The following PLPP7 variants were observed in gnomAD, a reference collection of about 807,000 sequenced individuals.
PLPP7 encodes inactive phospholipid phosphatase 7.
A neutral mutation model predicts 16.9 loss-of-function variants in PLPP7; 11 were observed. The observed-to-expected ratio is 0.65, with a 90% CI of 0.41 to 1.08. The LOEUF (loss-of-function observed/expected upper bound fraction) is 1.08, where lower values mean the gene tolerates loss of function less well. Ranked by LOEUF, PLPP7 falls within the 50% of genes least tolerant of loss-of-function variation. The pLI, the probability that PLPP7 is intolerant of heterozygous loss-of-function variation, is 0.00. For synonymous variants in PLPP7, 174 were observed against 175.1 expected (o/e 0.99, Z 0.05); for missense variants, 358 against 397.1 (o/e 0.90, Z 0.84).
rs191613991 is a variant in PLPP7 at position 131,301,001 on chromosome 9, C to A, written c.452-6922C>A. 2.7e-3 allele frequency among the ~76,000 whole-genome samples: 408 copies of A among 152,256 alleles called. 3 individuals are homozygous for A. Among genetic ancestry groups the A allele is most frequent in the Admixed American group, 4.5e-3 (69 of 15,286 alleles). Reference sequence around the variant, plus strand: ...TTATTTATTTTGAGACAGAGTCCCGCTCTGTCACCCAGGTTGGAATGCAGT... The same window carrying A: ...TTATTTATTTTGAGACAGAGTCCCGATCTGTCACCCAGGTTGGAATGCAGT... On this transcript the variant is annotated intron_variant, in intron 1 of 1. Coordinates refer to ENST00000372264, the MANE Select transcript of PLPP7 (RefSeq NM_032728.4).
intron 1 of PLPP7, among the ~76,000 whole-genome samples, chr9:131,305,601 C>CT (rs1835844614): frequency 1.3e-5 from 2 of 152,026 alleles, no homozygotes; most frequent in South Asian, 4.2e-4. Flanking sequence ...GGGTCTCACT[C>CT]TGTCACCTTA....
chr9:131,292,220 G>T (rs1168912584), intron 1 of PLPP7, among the ~76,000 whole-genome samples: 2 of 152,218 alleles, frequency 1.3e-5, no homozygotes, highest in Admixed American at 6.5e-5. Flanking sequence ...CAAGAAGACT[G>T]TTGGGATTTA....
chr9:131,296,409 G>A (rs1257511954), intron 1 of PLPP7, among the ~76,000 whole-genome samples: 7 of 151,974 alleles, frequency 4.6e-5, no homozygotes, highest in Non-Finnish European at 1.0e-4. Flanking sequence ...GACTACAGGC[G>A]CCTGCCACCA....
At chr9:131,303,167 A>G (rs1226923544) in intron 1 of PLPP7, among the ~76,000 whole-genome samples, 1 of 152,090 alleles carries the variant, frequency 6.6e-6, no homozygotes, top group Non-Finnish European at 1.5e-5. Context: ...CTCCATCTCT[A>G]CTAAAAATAG....
chr9:131,307,326 T>C (rs1041823247), intron 1 of PLPP7, among the ~76,000 whole-genome samples: 3 of 141,364 alleles, frequency 2.1e-5, no homozygotes, highest in Admixed American at 7.1e-5. Context: ...CTGAGGCGGG[T>C]GGATCACCTG....
chr9:131,290,316 G>C lies in PLPP7; in HGVS notation c.319G>C (p.Ala107Pro). The C allele has an allele frequency of 6.2e-7, 1 of 1,611,812 alleles. No individual in the cohort carries two copies. The highest frequency in any genetic ancestry group is 8.5e-7 in the Non-Finnish European group (1 of 1,179,158). Residue 107 changes from alanine to proline, a missense_variant, in exon 1 of 2, where the codon GCC (alanine) becomes CCC (proline). By Grantham distance (27) the Ala-to-Pro change is conservative. Coordinates refer to ENST00000372264, the MANE Select transcript of PLPP7 (RefSeq NM_032728.4). The surrounding 1 kb of genome is among the most constrained non-coding windows in gnomAD (Gnocchi z 4.2). Reference sequence around the variant, plus strand: ...GTGCGCTGGCCGGGCGGCGTCCTGGGCCAGTGCCCGCTCCATGGTCAAGCT... The same window carrying C: ...GTGCGCTGGCCGGGCGGCGTCCTGGCCCAGTGCCCGCTCCATGGTCAAGCT... ...GVCAGRAASW[A>P]SARSMVKLIG...
In PLPP7 at chr9:131,290,361, G is replaced by T; in HGVS notation, c.364G>T (p.Gly122Cys). The change falls in exon 1 of 2, where the codon GGC (glycine) becomes TGC (cysteine). Residue 122 changes from glycine (G) to cysteine (C), a missense_variant. Gly to Cys is a radical substitution (Grantham distance 159, BLOSUM62 -3). Coordinates refer to ENST00000372264, the MANE Select transcript of PLPP7 (RefSeq NM_032728.4). The surrounding 1 kb of genome is among the most constrained non-coding windows in gnomAD (Gnocchi z 4.2). ...CAAGCTCATCGGCATCACGGGCCAC[G>T]GCATCCCCTGGATCGGAGGCACCAT... is the stretch of plus-strand genomic sequence containing the variant. ...MVKLIGITGH[G>C]IPWIGGTILC... 1 of 1,608,306 alleles carries T rather than the reference G, an allele frequency of 6.2e-7. No homozygotes were observed. The highest frequency in any genetic ancestry group is 8.5e-7 in the Non-Finnish European group (1 of 1,177,732).
intron 1 of PLPP7, among the ~76,000 whole-genome samples, chr9:131,304,874 G>A (rs929920844): frequency 6.6e-6 from 1 of 152,210 alleles, no homozygotes; most frequent in African/African-American, 2.4e-5. Context: ...ACGAAACAGA[G>A]GGCCAGATGT....
intron 1 of PLPP7, among the ~76,000 whole-genome samples, chr9:131,306,552 G>A (rs561129762): frequency 3.3e-5 from 5 of 152,002 alleles, no homozygotes; most frequent in South Asian, 2.1e-4. Flanking sequence ...AAAAAAGAAA[G>A]AGAAGATGAA....
rs1588209965 is a variant in PLPP7, at chr9:131,302,749, G to C, written c.452-5174G>C. ...GGGTGCAAGGCTCTCAGCCAGCCCT[G>C]TGGCTAATGAGAGGGGCCAGGAGAT... On this transcript the variant is annotated intron_variant, in intron 1 of 1. Coordinates refer to ENST00000372264, the MANE Select transcript of PLPP7 (RefSeq NM_032728.4). Among the ~76,000 whole-genome samples, 3 of 152,320 alleles carry C rather than the reference G, an allele frequency of 2.0e-5. No individual in the cohort carries two copies. The South Asian group carries it at 6.2e-4, about 32-fold the overall frequency.
At chr9:131,304,897 A>T (rs1437793877) in intron 1 of PLPP7, among the ~76,000 whole-genome samples, 1 of 152,186 alleles carries the variant, frequency 6.6e-6, no homozygotes, top group Non-Finnish European at 1.5e-5. Context: ...AGACTGAACC[A>T]TTCAGGGCCT....
intron 1 of PLPP7, among the ~76,000 whole-genome samples, chr9:131,292,250 G>C (rs1046976403): frequency 1.3e-5 from 2 of 152,218 alleles, no homozygotes; most frequent in Non-Finnish European, 2.9e-5. Flanking sequence ...GTTGCCTGCT[G>C]TCAGAAGATG....
chr9:131,305,287 C>T (rs1243750877), intron 1 of PLPP7, among the ~76,000 whole-genome samples: 1 of 152,178 alleles, frequency 6.6e-6, no homozygotes, highest in Non-Finnish European at 1.5e-5. Context: ...CAGTGGCTCA[C>T]GCCTGGAATC....
rs577598868 is a variant in PLPP7, at chr9:131,306,917, T to C, written c.452-1006T>C. Among the ~76,000 whole-genome samples the C allele has an allele frequency of 5.9e-5, 9 of 152,306 alleles. 1 individual carries two copies. The highest frequency in any genetic ancestry group is 4.2e-4 in the South Asian group (2 of 4,816). On this transcript the variant is annotated intron_variant, in intron 1 of 1. Transcript: ENST00000372264. ...GCGTGCACTCTAAAATGGTTCACTGTACAAGATGTAAATTTTGCTTCAATT... is the reference window on the plus strand; with the variant it reads ...GCGTGCACTCTAAAATGGTTCACTGCACAAGATGTAAATTTTGCTTCAATT...
At chr9:131,304,153 T>C (rs532700) in intron 1 of PLPP7, among the ~76,000 whole-genome samples, 104,908 of 151,934 alleles carry the variant, frequency 0.69, 36,774 homozygotes, top group Middle Eastern at 0.79. Flanking sequence ...TCTAAGGGTG[T>C]GGAGGGTTGA....
rs1835875274 is a variant in PLPP7, at chr9:131,308,072, T to A, written c.601T>A (p.Ser201Thr). ...AGHASRAAMV[S>T]KFFLSHLVLA... is the part of the protein sequence containing the mutation. ...GCACGCCAGCCGCGCCGCCATGGTG[T>A]CCAAGTTCTTCCTCAGCCACCTGGT... The change falls in exon 2 of 2, where the codon TCC (serine) becomes ACC (threonine). Residue 201 changes from serine (S) to threonine (T), a missense_variant. Physicochemically the swap from Ser to Thr is moderately conservative, Grantham distance 58 (BLOSUM62 1). Transcript: ENST00000372264. 5 of 1,601,324 alleles carry A rather than the reference T, an allele frequency of 3.1e-6. No homozygotes were observed. The highest frequency in any genetic ancestry group is 4.2e-6 in the Non-Finnish European group (5 of 1,179,802).
At position 131,308,050 on chromosome 9, in the gene PLPP7, C is replaced by T. The variant is rs1268511499; in HGVS notation, c.579C>T (p.His193=). 7.5e-6 allele frequency: 12 copies of T among 1,601,056 alleles called. No homozygotes were observed. Among genetic ancestry groups the T allele is most frequent in the East Asian group, 2.2e-5 (1 of 44,862 alleles). The change falls in exon 2 of 2, where the codon CAC becomes CAT. Residue 193 remains histidine (H), a synonymous_variant. Coordinates refer to ENST00000372264, the MANE Select transcript of PLPP7 (RefSeq NM_032728.4). ...ACATCTACGCCTTCCCGGCCGGGCA[C>T]GCCAGCCGCGCCGCCATGGTGTCCA... ...TMDIYAFPAG[H]ASRAAMVSKF...
At chr9:131,291,362 A>G in intron 1 of PLPP7, 1 of 1,182,426 alleles carries the variant, frequency 8.5e-7, no homozygotes, top group East Asian at 5.9e-5. Context: ...AAGGGGTCTC[A>G]GTTCCAAAAG....
At position 131,300,008 on chromosome 9, in the gene PLPP7, C is replaced by T. The variant is rs538601719; in HGVS notation, c.452-7915C>T. ...AAATAGCCACAGCTTCCCAAAGGCA[C>T]AGCTGTGGGGCGTCTTAGTCCATTT... On this transcript the variant is annotated intron_variant, in intron 1 of 1. Coordinates refer to ENST00000372264, the MANE Select transcript of PLPP7 (RefSeq NM_032728.4). Among the ~76,000 whole-genome samples, 3 of 152,352 alleles carry T rather than the reference C, an allele frequency of 2.0e-5. No individual in the cohort carries two copies. In the South Asian group the frequency reaches 6.2e-4, roughly 32 times the overall value.
Sources: gnomAD v4.1 joint callset for allele counts (sites outside exome capture counted in the v4.1 genomes callset) on GRCh38, gnomAD v4.1.1 for gene constraint, Gnocchi (gnomAD v3.1) non-coding constraint, MANE v1.5 for transcripts, NCBI Gene and HGNC (gene_info 2026-07-23, HGNC 2026-07-21) for gene names.